FCRL6: variants seen among roughly 807,000 people sequenced by gnomAD.
FCRL6 encodes Fc receptor-like protein 6.
A neutral mutation model predicts 49.1 loss-of-function variants in FCRL6; 50 were observed. The observed-to-expected ratio is 1.02, with a 90% CI of 0.81 to 1.29. The LOEUF (loss-of-function observed/expected upper bound fraction) is 1.29, where lower values mean the gene tolerates loss of function less well. Among genes scored for constraint, FCRL6 ranks in the 50% most tolerant of loss-of-function variants. The pLI is 0.00. For synonymous variants in FCRL6, 213 were observed against 199.6 expected (o/e 1.07, Z -0.57); for missense variants, 571 against 518.5 (o/e 1.10, Z -0.98).
In FCRL6 at chr1:159,809,514, T is replaced by C. The variant is rs201183680; in HGVS notation, c.717T>C (p.Tyr239=). 1.4e-5 allele frequency: 22 copies of C among 1,614,178 alleles called. No individual in the cohort carries two copies. In the East Asian group the frequency reaches 4.7e-4, roughly 34 times the overall value. Reference sequence around the variant, plus strand: ...AGAGGGGCTCCCCTCCGATCCTGTATTCCTTCTACCTTGATGAGAAGATTG... The same window carrying C: ...AGAGGGGCTCCCCTCCGATCCTGTACTCCTTCTACCTTGATGAGAAGATTG... ...EAQRGSPPIL[Y]SFYLDEKIVG... The change falls in exon 5 of 10, where the codon TAT becomes TAC. Residue 239 remains tyrosine, a synonymous_variant. Coordinates refer to ENST00000368106, the MANE Select transcript of FCRL6 (RefSeq NM_001004310.3).
At chr1:159,810,955 A>G (rs1469780792) in intron 6 of FCRL6, among the ~76,000 whole-genome samples, 1 of 152,202 alleles carries the variant, frequency 6.6e-6, no homozygotes, top group Non-Finnish European at 1.5e-5. Context: ...TTCTCATTCT[A>G]ATCTGAGAAG....
chr1:159,804,204 T>A (rs1662526395), intron 1 of FCRL6, among the ~76,000 whole-genome samples: 1 of 152,206 alleles, frequency 6.6e-6, no homozygotes, highest in African/African-American at 2.4e-5. Context: ...CACTGCAGCC[T>A]GTTCCACAGT....
rs1238738867 is a variant in FCRL6, at chr1:159,808,163, T to C, written c.53-15T>C. On this transcript the variant is annotated splice_polypyrimidine_tract_variant and intron_variant, in intron 2 of 9. Coordinates refer to ENST00000368106, the MANE Select transcript of FCRL6 (RefSeq NM_001004310.3). ...ACCTGTAGCTCCAGGGCTGCCCTGTTCCTCTGTCTCGCAGTCTGGCTGTAC... is the reference window on the plus strand; with the variant it reads ...ACCTGTAGCTCCAGGGCTGCCCTGTCCCTCTGTCTCGCAGTCTGGCTGTAC... 2.5e-6 allele frequency: 4 copies of C among 1,600,396 alleles called. No homozygotes were observed. The highest frequency in any genetic ancestry group is 2.7e-5 in the African/African-American group (2 of 74,780).
At chr1:159,814,154 C>T in intron 7 of FCRL6, 67 bp from the exon 8 acceptor site, 1 of 1,439,022 alleles carries the variant, frequency 6.9e-7, no homozygotes, top group Non-Finnish European at 9.8e-7. Context: ...TCCATGTCTT[C>T]AGGACACTTA....
Position 159,813,568 on chromosome 1 carries a change from G to C in FCRL6, c.1075+14G>C, listed in dbSNP as rs545391938. 1 of 1,612,912 alleles carries C rather than the reference G, an allele frequency of 6.2e-7. No individual in the cohort carries two copies. The highest frequency in any genetic ancestry group is 1.3e-5 in the African/African-American group (1 of 75,048). ...TATATGCCAACGGTAAGGACTTCCA[G>C]CAGGATGGTGGTGTGCCCATGTGGG... is the stretch of plus-strand genomic sequence containing the variant. On this transcript the variant is annotated intron_variant, in intron 7 of 9. Coordinates refer to ENST00000368106, the MANE Select transcript of FCRL6 (RefSeq NM_001004310.3).
At chr1:159,806,747 C>T in intron 2 of FCRL6, 131 bp downstream of exon 2, 1 of 935,938 alleles carries the variant, frequency 1.1e-6, no homozygotes, top group East Asian at 2.4e-5. Flanking sequence ...GCCCCTTCCT[C>T]AGGAGTCTTG....
In FCRL6 at chr1:159,813,574, TG is replaced by T; in HGVS notation, c.1075+22del. 6.2e-7 allele frequency: 1 copy of T among 1,611,266 alleles called. No homozygotes were observed. The highest frequency in any genetic ancestry group is 1.7e-5 in the Admixed American group (1 of 60,000). The stretch of plus-strand genomic sequence containing the variant: ...CCAACGGTAAGGACTTCCAGCAGGA[TG>T]GTGGTGTGCCCATGTGGGCCAAAAA... On this transcript the variant is annotated intron_variant, in intron 7 of 9. Transcript: ENST00000368106.
At chr1:159,803,751 C>T (rs995022473) in intron 1 of FCRL6, among the ~76,000 whole-genome samples, 1 of 152,138 alleles carries the variant, frequency 6.6e-6, no homozygotes, top group Non-Finnish European at 1.5e-5. Context: ...AATCAGTGAC[C>T]GGCTGACTGG....
At chr1:159,801,986 T>C (rs187713568), upstream of FCRL6, among the ~76,000 whole-genome samples, 8 of 152,158 alleles carry the variant, frequency 5.3e-5, no homozygotes, top group East Asian at 1.5e-3. Flanking sequence ...GGGAGGTCAC[T>C]CGGTGGTCAA....
chr1:159,804,340 C>T (rs533745018), intron 1 of FCRL6, among the ~76,000 whole-genome samples: 10 of 152,314 alleles, frequency 6.6e-5, no homozygotes, highest in African/African-American at 2.4e-4. Context: ...TAAGCTTAGC[C>T]CACCAAGTAT....
At chr1:159,800,526 C>A (rs372678091), upstream of FCRL6, 1,059 of 1,389,974 alleles carry the variant, frequency 7.6e-4, 1 homozygote, top group Non-Finnish European at 9.6e-4. Context: ...ACCCACAGGA[C>A]CTGCAGCTGA....
chr1:159,814,101 C>T, intron 7 of FCRL6, 120 bp from the exon 8 acceptor site: 1 of 882,900 alleles, frequency 1.1e-6, no homozygotes. Context: ...GACCAACCCT[C>T]ATTGCCACTT....
intron 5 of FCRL6, 116 bp from the exon 6 acceptor site, chr1:159,809,978 C>A: frequency 7.5e-7 from 1 of 1,330,982 alleles, no homozygotes; most frequent in Non-Finnish European, 1.0e-6. Flanking sequence ...ATGAGGCTCC[C>A]CCAGGCCAGA....
chr1:159,814,302 C>T lies in FCRL6; in HGVS notation c.1147+10C>T, dbSNP rs760544110. On this transcript the variant is annotated intron_variant, in intron 8 of 9. Transcript: ENST00000368106. ...TCAAAGAGGAGTGAAGGTGAGTGAT[C>T]TCAGGCCAAACTTGGTACCTTTGCA... The T allele has an allele frequency of 3.1e-6, 5 of 1,612,560 alleles. No individual in the cohort carries two copies. In the African/African-American group the frequency reaches 6.7e-5, roughly 22 times the overall value.
In FCRL6 at chr1:159,808,325, C is replaced by G. The variant is rs150017462; in HGVS notation, c.200C>G (p.Thr67Ser). ...KFLHFSKENQTLSMGAATVQS... is the reference protein window; with the variant it reads ...KFLHFSKENQSLSMGAATVQS... ...CTTCATTTCTCTAAGGAAAACCAGA[C>G]TCTGTCCATGGGAGCAGCAACAGTG... The change falls in exon 3 of 10, where the codon ACT becomes AGT. Residue 67 changes from threonine (T) to serine (S), a missense_variant. Physicochemically the swap from Thr to Ser is moderately conservative, Grantham distance 58. Transcript: ENST00000368106. 6 of 1,614,254 alleles carry G rather than the reference C, an allele frequency of 3.7e-6. No individual in the cohort carries two copies. In the South Asian group the frequency reaches 6.6e-5, roughly 18 times the overall value.
intron 7 of FCRL6, 28 bp downstream of exon 7, chr1:159,813,582 T>C: frequency 6.2e-7 from 1 of 1,605,766 alleles, no homozygotes; most frequent in Non-Finnish European, 8.5e-7. Flanking sequence ...GATGGTGGTG[T>C]GCCCATGTGG....
intron 3 of FCRL6, 24 bp downstream of exon 3, chr1:159,808,468 GT>G (rs1662855124): frequency 3.1e-6 from 5 of 1,614,064 alleles, no homozygotes; most frequent in Middle Eastern, 1.6e-4. Context: ...TTGGGAGTTT[GT>G]GGGGCAGGAG....
intron 5 of FCRL6, 91 bp from the exon 6 acceptor site, chr1:159,810,003 T>A (rs1480950728): frequency 3.4e-6 from 5 of 1,465,258 alleles, no homozygotes; most frequent in Non-Finnish European, 4.6e-6. Context: ...TCCCCTAATA[T>A]CAGTCATTCT....
chr1:159,807,279 G>A (rs1662755013), intron 2 of FCRL6, among the ~76,000 whole-genome samples: 2 of 152,234 alleles, frequency 1.3e-5, no homozygotes, highest in African/African-American at 4.8e-5. Flanking sequence ...CCAGGCAAGA[G>A]CAGGATGTGC....
Sources: allele counts gnomAD v4.1 joint callset (sites outside exome capture counted in the v4.1 genomes callset), GRCh38; gene constraint gnomAD v4.1.1; transcripts MANE v1.5; gene names NCBI Gene and HGNC (gene_info 2026-07-23, HGNC 2026-07-21).